The following SMAP2 variants were observed in gnomAD, a reference collection of about 807,000 sequenced individuals.
SMAP2 encodes small ArfGAP2.
A neutral mutation model predicts 56.4 loss-of-function variants in SMAP2; 25 were observed. That is an observed-to-expected ratio of 0.44 (90% CI 0.32 to 0.62). The LOEUF is 0.62. Ranked by LOEUF, SMAP2 falls within the 20% of genes least tolerant of loss-of-function variation. The pLI is 0.04. For synonymous variants in SMAP2, 157 were observed against 181.7 expected (o/e 0.86, Z 1.09); for missense variants, 388 against 545.6 (o/e 0.71, Z 2.88).
chr1:40,399,565 G>A (rs1380051141), intron 1 of SMAP2, among the ~76,000 whole-genome samples: 1 of 149,866 alleles, frequency 6.7e-6, no homozygotes, highest in East Asian at 2.0e-4. Context: ...AGCTGAGCGT[G>A]GTGGCTCATG....
chr1:40,376,010 G>A lies in SMAP2; in HGVS notation c.103+1787G>A, dbSNP rs536946652. On this transcript the variant is annotated intron_variant, in intron 1 of 9. Coordinates refer to ENST00000372718, the MANE Select transcript of SMAP2 (RefSeq NM_022733.3). ...TTGTCGCCCAGGCTGGAGTGCAATG[G>A]TGCAATCTCGGCTCACTGCAACCTC... Among the ~76,000 whole-genome samples the A allele has an allele frequency of 3.9e-5, 6 of 152,080 alleles. No homozygotes were observed. The East Asian group carries it at 7.7e-4, about 20-fold the overall frequency.
intron 1 of SMAP2, among the ~76,000 whole-genome samples, chr1:40,357,526 C>T (rs1251404906): frequency 6.6e-6 from 1 of 150,626 alleles, no homozygotes; most frequent in African/African-American, 2.4e-5. Context: ...CAGAGAGTTT[C>T]CTCAGTGTTT....
chr1:40,390,993 A>G (rs536145238), intron 1 of SMAP2, among the ~76,000 whole-genome samples: 3 of 152,282 alleles, frequency 2.0e-5, no homozygotes, highest in African/African-American at 4.8e-5. Context: ...ACCTCAGACT[A>G]TTGACATTTT....
Position 40,419,280 on chromosome 1 carries a change from CTTTT to C in SMAP2, c.1164+2199_1164+2202del, listed in dbSNP as rs35237067. On this transcript the variant is annotated intron_variant, in intron 9 of 9. Transcript: ENST00000372718. ...AATACCAAGATAATTTTCTTCCTTT[CTTTT>C]TTTTTTTTTTTTTTGAGACAAAGTC... 1.6e-4 allele frequency among the ~76,000 whole-genome samples: 20 copies of C among 121,832 alleles called. 1 individual carries two copies. The highest frequency in any genetic ancestry group is 6.9e-4 in the East Asian group (3 of 4,362). The allele number at this position is 121,832 out of a possible 152,430, so 79.9% of individuals were successfully genotyped here. A position where few individuals can be genotyped will look rare whatever the true frequency, so the allele number is the denominator to read the frequency against.
Position 40,374,333 on chromosome 1 carries a change from G to T in SMAP2, c.103+110G>T. 1 of 880,762 alleles carries T rather than the reference G, an allele frequency of 1.1e-6. No individual in the cohort carries two copies. The highest frequency in any genetic ancestry group is 1.8e-6 in the Non-Finnish European group (1 of 541,790). 54.6% of individuals were successfully genotyped at this position (880,762 alleles called of 1,614,324 possible). ...TTAGGCCGCCCAACTCGGCTTATAA[G>T]TGGTAACGCGTGCTGCGCTTGCAGT... On this transcript the variant is annotated intron_variant, in intron 1 of 9. Coordinates refer to ENST00000372718, the MANE Select transcript of SMAP2 (RefSeq NM_022733.3). This position sits in a 1 kb window ranked among gnomAD's most constrained non-coding sequence, Gnocchi z 5.9.
chr1:40,400,455 TAGG>T (rs1216485697), intron 1 of SMAP2, among the ~76,000 whole-genome samples: 1 of 152,018 alleles, frequency 6.6e-6, no homozygotes, highest in East Asian at 1.9e-4. Context: ...AGAGAGCTAT[TAGG>T]AGGTTATTGC....
intron 1 of SMAP2, among the ~76,000 whole-genome samples, chr1:40,361,137 C>T (rs958063957): frequency 5.5e-4 from 84 of 152,310 alleles, no homozygotes; most frequent in African/African-American, 2.0e-3. Flanking sequence ...TGCCTTGCAA[C>T]TTGGATACCA....
upstream of SMAP2, among the ~76,000 whole-genome samples, chr1:40,372,195 TA>T (rs1162906482): frequency 1.3e-3 from 192 of 152,306 alleles, 5 homozygotes; most frequent in Non-Finnish European, 1.0e-4. Flanking sequence ...GCAGGAAGGC[TA>T]TTTGCAGAGT....
chr1:40,355,645 G>A (rs169695), intron 1 of SMAP2, among the ~76,000 whole-genome samples: 28,483 of 151,476 alleles, frequency 0.19, 3,832 homozygotes, highest in African/African-American at 0.39. Flanking sequence ...TTTTTGAGAC[G>A]GAGTCTCACT....
intron 1 of SMAP2, among the ~76,000 whole-genome samples, chr1:40,360,714 G>T (rs1644456319): frequency 6.6e-6 from 1 of 152,224 alleles, no homozygotes; most frequent in Non-Finnish European, 1.5e-5. Context: ...GTGATTGTGG[G>T]ACTTTGCATT....
At chr1:40,357,028 A>G (rs1469891819) in intron 1 of SMAP2, among the ~76,000 whole-genome samples, 2 of 151,804 alleles carry the variant, frequency 1.3e-5, no homozygotes, top group Admixed American at 6.6e-5. Flanking sequence ...TTTTTTTCCT[A>G]TTGAGTTATT....
At chr1:40,412,852 A>G (rs1350481415) in intron 4 of SMAP2, among the ~76,000 whole-genome samples, 164 bp from the exon 5 acceptor site, 1 of 152,154 alleles carries the variant, frequency 6.6e-6, no homozygotes, top group Non-Finnish European at 1.5e-5. Context: ...GGAAGAGGTC[A>G]ACTCTCATGC....
rs762206495 is a variant in SMAP2, at chr1:40,374,257, G to C, written c.103+34G>C. The C allele has an allele frequency of 6.4e-7, 1 of 1,563,016 alleles. No individual in the cohort carries two copies. On this transcript the variant is annotated intron_variant, in intron 1 of 9. Coordinates refer to ENST00000372718, the MANE Select transcript of SMAP2 (RefSeq NM_022733.3). This position sits in a 1 kb window ranked among gnomAD's most constrained non-coding sequence, Gnocchi z 5.9. The stretch of plus-strand genomic sequence containing the variant: ...TCCCACCTGGCGGGCCAGGGGTCCA[G>C]CCGCGCCGGGGTGGTGGGGGTGGGC...
chr1:40,403,243 C>A (rs371667572), intron 1 of SMAP2, among the ~76,000 whole-genome samples: 1 of 152,210 alleles, frequency 6.6e-6, no homozygotes, highest in East Asian at 1.9e-4. Context: ...CGGTGGCTCA[C>A]GCCTGTAATC....
At chr1:40,379,706 A>AT (rs1350800778) in intron 1 of SMAP2, among the ~76,000 whole-genome samples, 1 of 151,564 alleles carries the variant, frequency 6.6e-6, no homozygotes, top group Non-Finnish European at 1.5e-5. Context: ...TAATTTTTAT[A>AT]TTTTTAGCAG....
chr1:40,399,325 T>TA (rs1557441838), intron 1 of SMAP2, among the ~76,000 whole-genome samples: 385 of 144,186 alleles, frequency 2.7e-3, no homozygotes, highest in African/African-American at 8.6e-3. Flanking sequence ...TTTTTTTTTT[T>TA]TTTTTTGTAT....
Position 40,422,371 on chromosome 1 carries a change from A to G in SMAP2, c.*270A>G. 1 of 412,278 alleles carries G rather than the reference A, an allele frequency of 2.4e-6. No homozygotes were observed. The highest frequency in any genetic ancestry group is 4.6e-6 in the Non-Finnish European group (1 of 218,552). The allele number at this position is 412,278 out of a possible 1,614,324, so 25.5% of individuals were successfully genotyped here. A position where few individuals can be genotyped will look rare whatever the true frequency, so the allele number is the denominator to read the frequency against. ...ACCTTAGAAGTTGTTGGCAGAAGGC[A>G]CTTAAACTGTGGGAGAAGTGTGCAC... On this transcript the variant is annotated 3_prime_UTR_variant, in exon 10 of 10. Transcript: ENST00000372718.
rs1223169806 is a variant in SMAP2, at chr1:40,422,173, C to A, written c.*72C>A. The A allele has an allele frequency of 2.5e-6, 4 of 1,577,302 alleles. No individual in the cohort carries two copies. In the African/African-American group the frequency reaches 5.4e-5, roughly 21 times the overall value. On this transcript the variant is annotated 3_prime_UTR_variant, in exon 10 of 10. Transcript: ENST00000372718. The stretch of plus-strand genomic sequence containing the variant: ...CCCTTTCCACAGCCTCCACCCCTGA[C>A]CCCCATCCTCTTTTCCTACCTCTCT...
chr1:40,407,410 G>C (rs1644895546), intron 2 of SMAP2, among the ~76,000 whole-genome samples: 1 of 152,132 alleles, frequency 6.6e-6, no homozygotes, highest in African/African-American at 2.4e-5. Context: ...AGGATTGCTT[G>C]AGCCCAGAAG....
Sources: allele counts gnomAD v4.1 joint callset (sites outside exome capture counted in the v4.1 genomes callset), GRCh38; gene constraint gnomAD v4.1.1; non-coding constraint Gnocchi (gnomAD v3.1); transcripts MANE v1.5; gene names NCBI Gene and HGNC (gene_info 2026-07-23, HGNC 2026-07-21).